The following PTPRD variants were observed in gnomAD, a reference collection of about 807,000 sequenced individuals.
PTPRD encodes the protein protein tyrosine phosphatase receptor type D, also known as receptor-type tyrosine-protein phosphatase delta.
A neutral mutation model predicts 214.5 loss-of-function variants in PTPRD; 34 were observed. The ratio of observed to expected loss-of-function variants is 0.16; its 90% CI spans 0.12 to 0.21. The LOEUF (loss-of-function observed/expected upper bound fraction) is 0.21, where lower values mean the gene tolerates loss of function less well. Among genes scored for constraint, PTPRD ranks in the 10% least tolerant of loss-of-function variants. PTPRD has a pLI of 1.00. For missense variants in PTPRD, 2,545 were observed against 2,398.7 expected (o/e 1.06, Z -1.27); for synonymous variants, 1,128 against 845.7 (o/e 1.33, Z -5.79).
At chr9:9,517,837 T>C (rs957749457) in intron 8 of PTPRD, among the ~76,000 whole-genome samples, 1 of 151,982 alleles carries the variant, frequency 6.6e-6, no homozygotes, top group Non-Finnish European at 1.5e-5. Flanking sequence ...GAATAGACAA[T>C]GCTTACACAA....
intron 7 of PTPRD, among the ~76,000 whole-genome samples, chr9:9,690,657 A>G (rs2097253551): frequency 1.3e-5 from 2 of 151,860 alleles, no homozygotes; most frequent in South Asian, 4.1e-4. Context: ...ATGTTGAGAG[A>G]TAGGGGTCTA....
At chr9:9,470,798 A>T (rs1420489680) in intron 8 of PTPRD, among the ~76,000 whole-genome samples, 1 of 152,196 alleles carries the variant, frequency 6.6e-6, no homozygotes, top group East Asian at 1.9e-4. Flanking sequence ...GACACGAATC[A>T]ATGTGAAGCT....
intron 2 of PTPRD, among the ~76,000 whole-genome samples, chr9:10,601,754 C>A (rs74378976): frequency 3.3e-5 from 5 of 151,682 alleles, no homozygotes; most frequent in Admixed American, 2.6e-4. Flanking sequence ...AAGGCAAAAA[C>A]TCTAGCTCAT....
intron 2 of PTPRD, among the ~76,000 whole-genome samples, chr9:10,366,180 C>T (rs775119165): frequency 1.2e-4 from 18 of 152,132 alleles, no homozygotes; most frequent in Non-Finnish European, 2.2e-4. Flanking sequence ...TATGGCTCTG[C>T]GATGTATGCT....
intron 5 of PTPRD, among the ~76,000 whole-genome samples, chr9:9,791,191 TA>T (rs930479909): frequency 1.9e-4 from 29 of 152,284 alleles, no homozygotes; most frequent in African/African-American, 6.7e-4. Flanking sequence ...CAGCTGGTTT[TA>T]AAAGATTTTA....
In PTPRD at chr9:8,316,997, A is replaced by T. The variant is rs1206951456; in HGVS notation, c.*877T>A. ...TATATATGTATATATGTTAGCAGCAACTTTATACTTTGCGCCTCCCTGTTG... is the reference window on the plus strand; with the variant it reads ...TATATATGTATATATGTTAGCAGCATCTTTATACTTTGCGCCTCCCTGTTG... On this transcript the variant is annotated 3_prime_UTR_variant, in exon 46 of 46. Transcript: ENST00000381196. The T allele has an allele frequency of 4.3e-6, 1 of 231,632 alleles. No homozygotes were observed. The highest frequency in any genetic ancestry group is 6.1e-5 in the East Asian group (1 of 16,346). 14.3% of individuals were successfully genotyped at this position (231,632 alleles called of 1,614,324 possible). A position where few individuals can be genotyped will look rare whatever the true frequency, so the allele number is the denominator to read the frequency against.
intron 2 of PTPRD, among the ~76,000 whole-genome samples, chr9:10,610,178 A>G (rs1337354792): frequency 6.6e-6 from 1 of 152,138 alleles, no homozygotes; most frequent in Non-Finnish European, 1.5e-5. Flanking sequence ...GTGACAATTT[A>G]ATCACCCATC....
intron 3 of PTPRD, among the ~76,000 whole-genome samples, chr9:10,309,725 CTT>C (rs951164665): frequency 6.6e-6 from 1 of 151,834 alleles, no homozygotes; most frequent in Non-Finnish European, 1.5e-5. Flanking sequence ...ACTATCCTCT[CTT>C]TATATTTTAT....
rs149675532 is a variant in PTPRD, at chr9:10,193,824, G to A, written c.-545+147139C>T. ...ACTACTTTAAATAATAAATAACTTG[G>A]CACTCATATGGGCACTGACGAAGAA... is the stretch of plus-strand genomic sequence containing the variant. On this transcript the variant is annotated intron_variant, in intron 3 of 45. Transcript: ENST00000381196. 6.8e-4 allele frequency among the ~76,000 whole-genome samples: 103 copies of A among 152,082 alleles called. No individual in the cohort carries two copies. In the East Asian group the frequency reaches 0.014, roughly 21 times the overall value.
rs144545771 is a variant in PTPRD at position 10,344,291 on chromosome 9, T to G, written c.-599-3274A>C. Among the ~76,000 whole-genome samples the G allele has an allele frequency of 8.6e-4, 131 of 152,260 alleles. 3 individuals are homozygous for G. In the East Asian group the frequency reaches 0.022, roughly 26 times the overall value. The stretch of plus-strand genomic sequence containing the variant: ...CACCATTTATTGAATAGAGAATCCT[T>G]TCTCCATTTCTTGTTTTTGTCAGGT... On this transcript the variant is annotated intron_variant, in intron 2 of 45. Coordinates refer to ENST00000381196, the MANE Select transcript of PTPRD (RefSeq NM_002839.4).
rs903672352 is a variant in PTPRD, at chr9:9,259,968, G to C, written c.-202-76605C>G. 1.4e-4 allele frequency among the ~76,000 whole-genome samples: 22 copies of C among 152,026 alleles called. No homozygotes were observed. The South Asian group carries it at 2.3e-3, about 16-fold the overall frequency. ...AGCTGGACAATGCTTAGTGACTTCT[G>C]AAAGGCGAGTAGGCCTCAAGTAACC... On this transcript the variant is annotated intron_variant, in intron 9 of 45. Transcript: ENST00000381196.
chr9:9,131,025 TA>T (rs1228335507), intron 10 of PTPRD, among the ~76,000 whole-genome samples: 5 of 151,864 alleles, frequency 3.3e-5, no homozygotes, highest in Non-Finnish European at 7.4e-5. Flanking sequence ...TTTAAAAGAA[TA>T]AAAAAACAAA....
intron 10 of PTPRD, among the ~76,000 whole-genome samples, chr9:9,107,358 G>C (rs868703044): frequency 6.6e-6 from 1 of 152,304 alleles, no homozygotes; most frequent in East Asian, 1.9e-4. Flanking sequence ...TACCGAACAA[G>C]CTGCATGCTT....
At chr9:8,687,371 T>C (rs1272085960) in intron 12 of PTPRD, among the ~76,000 whole-genome samples, 1 of 152,206 alleles carries the variant, frequency 6.6e-6, no homozygotes, top group Non-Finnish European at 1.5e-5. Context: ...GATTCAGAAA[T>C]AAAACTATGG....
At chr9:9,342,184 A>T (rs1048455127) in intron 9 of PTPRD, among the ~76,000 whole-genome samples, 3 of 152,188 alleles carry the variant, frequency 2.0e-5, no homozygotes, top group African/African-American at 7.2e-5. Context: ...TAATAATGAA[A>T]AGATTGACAG....
intron 7 of PTPRD, among the ~76,000 whole-genome samples, chr9:9,619,190 T>G (rs1298419753): frequency 6.6e-6 from 1 of 152,118 alleles, no homozygotes; most frequent in East Asian, 1.9e-4. Context: ...GACACTTGAC[T>G]ATGAAAAGAA....
At chr9:8,324,460 A>G (rs1395029393) in intron 44 of PTPRD, among the ~76,000 whole-genome samples, 2 of 152,134 alleles carry the variant, frequency 1.3e-5, no homozygotes, top group African/African-American at 2.4e-5. Flanking sequence ...ACAGTATTCC[A>G]TGGTGTATAT....
intron 37 of PTPRD, among the ~76,000 whole-genome samples, chr9:8,380,463 C>A (rs2084682011): frequency 6.6e-6 from 1 of 152,176 alleles, no homozygotes. Flanking sequence ...TTACTTGAAG[C>A]TTAAACTGAG....
chr9:10,232,738 A>T (rs762651772), intron 3 of PTPRD, among the ~76,000 whole-genome samples: 4 of 152,002 alleles, frequency 2.6e-5, no homozygotes, highest in Non-Finnish European at 5.9e-5. Flanking sequence ...AGAAGAATAC[A>T]ACAAACTGAT....
Sources: allele counts gnomAD v4.1 joint callset (sites outside exome capture counted in the v4.1 genomes callset), GRCh38; gene constraint gnomAD v4.1.1; transcripts MANE v1.5; gene names NCBI Gene and HGNC (gene_info 2026-07-23, HGNC 2026-07-21).